Variants in NTM observed in about 807,000 individuals in gnomAD.
NTM encodes the protein neurotrimin.
A neutral mutation model predicts 42.1 loss-of-function variants in NTM; 13 were observed. The observed-to-expected ratio is 0.31, with a 90% CI of 0.20 to 0.49. The LOEUF is 0.49. Ranked by LOEUF, NTM falls within the 20% of genes least tolerant of loss-of-function variation. The probability of loss-of-function intolerance (pLI) is 0.99; values close to 1 mark genes in which losing one functional copy is unlikely to be tolerated. For missense variants in NTM, 373 were observed against 452.8 expected, an observed-to-expected ratio of 0.82 and a Z score of 1.60; for synonymous variants, 187 against 179.2, an observed-to-expected ratio of 1.04 and a Z score of -0.35.
At chr11:132,049,407 A>T (rs763302469) in intron 2 of NTM, among the ~76,000 whole-genome samples, 95 of 152,282 alleles carry the variant, frequency 6.2e-4, no homozygotes, top group Middle Eastern at 6.8e-3. Flanking sequence ...CCTTTCATCC[A>T]TGCCAGTCTC....
At chr11:132,199,682 G>A (rs1454001900) in intron 3 of NTM, among the ~76,000 whole-genome samples, 3 of 151,110 alleles carry the variant, frequency 2.0e-5, no homozygotes, top group Non-Finnish European at 4.4e-5. Flanking sequence ...GAGCGAGAAA[G>A]AAGAGTTATT....
At chr11:131,396,418 G>T (rs1027098250) in intron 1 of NTM, among the ~76,000 whole-genome samples, 1 of 152,050 alleles carries the variant, frequency 6.6e-6, no homozygotes, top group Non-Finnish European at 1.5e-5. Context: ...CTTCATCCCC[G>T]TGGATGTGTA....
At chr11:131,581,538 G>C (rs1053772172) in intron 1 of NTM, among the ~76,000 whole-genome samples, 2 of 152,194 alleles carry the variant, frequency 1.3e-5, no homozygotes, top group African/African-American at 4.8e-5. Context: ...AGCAGAAACA[G>C]AGAACAAAAA....
intron 1 of NTM, among the ~76,000 whole-genome samples, chr11:131,498,971 C>T (rs2046390853): frequency 6.6e-6 from 1 of 152,196 alleles, no homozygotes; most frequent in African/African-American, 2.4e-5. Flanking sequence ...CTGGTGCTGG[C>T]ACTGCCTTCT....
chr11:131,921,859 C>T (rs903128141), intron 2 of NTM, among the ~76,000 whole-genome samples: 8 of 152,154 alleles, frequency 5.3e-5, no homozygotes, highest in Non-Finnish European at 8.8e-5. Flanking sequence ...TCAGTTATCT[C>T]GACCACCTGA....
chr11:131,730,743 C>T (rs981822669), intron 1 of NTM, among the ~76,000 whole-genome samples: 8 of 125,900 alleles, frequency 6.4e-5, no homozygotes, highest in Admixed American at 1.5e-4. Flanking sequence ...GAGAAGAAGA[C>T]GAAGAAAAGA....
intron 3 of NTM, 75 bp from the exon 4 acceptor site, chr11:132,211,947 T>C (rs1592251951): frequency 6.7e-7 from 1 of 1,499,774 alleles, no homozygotes; most frequent in Non-Finnish European, 9.0e-7. Context: ...TGGACTGTTC[T>C]GCCAACTACC....
At chr11:131,803,231 TC>T (rs1384646829) in intron 1 of NTM, among the ~76,000 whole-genome samples, 3 of 152,266 alleles carry the variant, frequency 2.0e-5, no homozygotes, top group African/African-American at 7.2e-5. Context: ...CGCTTCTTCA[TC>T]TTTTGCCACC....
intron 4 of NTM, among the ~76,000 whole-genome samples, chr11:132,234,450 C>T (rs1430310822): frequency 6.6e-6 from 1 of 152,144 alleles, no homozygotes; most frequent in African/African-American, 2.4e-5. Context: ...TTCACCCTCT[C>T]TCCCTGTTTT....
chr11:132,288,967 A>C (rs148709933), intron 4 of NTM, among the ~76,000 whole-genome samples: 2 of 152,128 alleles, frequency 1.3e-5, no homozygotes, highest in Non-Finnish European at 2.9e-5. Context: ...TTACTCTATC[A>C]TCTCTATTTT....
At chr11:131,557,857 G>C (rs2055664924) in intron 1 of NTM, among the ~76,000 whole-genome samples, 1 of 152,230 alleles carries the variant, frequency 6.6e-6, no homozygotes, top group Non-Finnish European at 1.5e-5. Flanking sequence ...AAAGAACTAA[G>C]CTCCAGAGTC....
intron 2 of NTM, among the ~76,000 whole-genome samples, chr11:132,066,280 C>T (rs1160234651): frequency 6.6e-6 from 1 of 152,206 alleles, no homozygotes; most frequent in African/African-American, 2.4e-5. Flanking sequence ...TCAGTCTCCT[C>T]CACCTGAGGA....
At chr11:131,516,560 C>G (rs1418894407) in intron 1 of NTM, among the ~76,000 whole-genome samples, 1 of 152,054 alleles carries the variant, frequency 6.6e-6, no homozygotes, top group South Asian at 2.1e-4. Context: ...CTAGCAGAGA[C>G]GGGGTTTCAC....
At chr11:132,024,914 C>A (rs2074953615) in intron 2 of NTM, among the ~76,000 whole-genome samples, 1 of 152,200 alleles carries the variant, frequency 6.6e-6, no homozygotes, top group African/African-American at 2.4e-5. Flanking sequence ...CTAGACTATG[C>A]TGTGGAAACA....
At chr11:131,580,905 G>C (rs2058349242) in intron 1 of NTM, among the ~76,000 whole-genome samples, 2 of 152,160 alleles carry the variant, frequency 1.3e-5, no homozygotes, top group Admixed American at 6.5e-5. Context: ...AGTCGCAAAA[G>C]TTCTCTCTCA....
chr11:131,602,463 A>C (rs2060571217), intron 1 of NTM, among the ~76,000 whole-genome samples: 3 of 152,122 alleles, frequency 2.0e-5, no homozygotes, highest in African/African-American at 7.2e-5. Flanking sequence ...TTCCCAGAAG[A>C]CTGGTTGTAC....
At chr11:131,507,003 T>C (rs1414550614) in intron 1 of NTM, among the ~76,000 whole-genome samples, 2 of 152,218 alleles carry the variant, frequency 1.3e-5, no homozygotes, top group African/African-American at 2.4e-5. Context: ...TGCAGATGAA[T>C]GACTCTCTAA....
chr11:132,077,570 G>A (rs1439140974), intron 2 of NTM, among the ~76,000 whole-genome samples: 1 of 152,144 alleles, frequency 6.6e-6, no homozygotes, highest in Non-Finnish European at 1.5e-5. Context: ...TCCACAAGAG[G>A]AAGTGGAGAC....
chr11:132,176,719 A>G (rs1446387644), intron 3 of NTM, among the ~76,000 whole-genome samples: 1 of 103,216 alleles, frequency 9.7e-6, no homozygotes, highest in African/African-American at 3.3e-5. Context: ...ATACATGCCT[A>G]AAGTTTTTTT....
Sources: gnomAD v4.1 joint callset for allele counts (sites outside exome capture counted in the v4.1 genomes callset) on GRCh38, gnomAD v4.1.1 for gene constraint, MANE v1.5 for transcripts, NCBI Gene and HGNC (gene_info 2026-07-23, HGNC 2026-07-21) for gene names.